The following OTOA variants were observed in gnomAD, a reference collection of about 807,000 sequenced individuals.
OTOA encodes otoancorin.
OTOA carries 70 observed loss-of-function variants against 110.8 expected under a neutral mutation model. That is an observed-to-expected ratio of 0.63 (90% CI 0.52 to 0.77). OTOA has a LOEUF of 0.77. OTOA is among the 30% of genes least tolerant of loss of function. The probability of loss-of-function intolerance (pLI) is 0.00; values close to 1 mark genes in which losing one functional copy is unlikely to be tolerated. For missense variants in OTOA, 917 were observed against 1,075.8 expected (o/e 0.85, Z 2.06); for synonymous variants, 373 against 431.5 (o/e 0.86, Z 1.68).
At chr16:21,734,944 G>A (rs1405452350) in intron 21 of OTOA, among the ~76,000 whole-genome samples, 2 of 152,042 alleles carry the variant, frequency 1.3e-5, no homozygotes, top group African/African-American at 4.8e-5. Flanking sequence ...TTTGAGACCA[G>A]CCAGGCCAAG....
chr16:21,734,618 C>T lies in OTOA; in HGVS notation c.2302-1643C>T, dbSNP rs534415068. On this transcript the variant is annotated intron_variant, in intron 21 of 28. Transcript: ENST00000646100. ...TTGGGAGGCCGAGGCGGGCAGATCA[C>T]GAGGTCAGGAGATTGAGACCGTCCT... 2.3e-3 allele frequency among the ~76,000 whole-genome samples: 343 copies of T among 152,168 alleles called. 5 individuals carry two copies. The highest frequency in any genetic ancestry group is 3.4e-3 in the Middle Eastern group (1 of 294).
intron 14 of OTOA, among the ~76,000 whole-genome samples, chr16:21,715,371 CCAGA>C (rs576946445): frequency 6.6e-6 from 1 of 152,218 alleles, no homozygotes; most frequent in East Asian, 1.9e-4. Flanking sequence ...CTTTGTTCTG[CCAGA>C]CAGTCTAATC....
At chr16:21,698,000 C>A (rs748289320) in intron 10 of OTOA, 125 bp downstream of exon 10, 5 of 810,490 alleles carry the variant, frequency 6.2e-6, no homozygotes, top group Admixed American at 2.0e-5. Flanking sequence ...CTCCTCAGCC[C>A]AATAGACCTT....
chr16:21,687,358 C>T, intron 7 of OTOA, 55 bp from the exon 8 acceptor site: 1 of 1,457,322 alleles, frequency 6.9e-7, no homozygotes, highest in South Asian at 1.1e-5. Flanking sequence ...CCTCCCAGGG[C>T]TTCCAAATTG....
intron 12 of OTOA, among the ~76,000 whole-genome samples, chr16:21,707,773 C>T (rs1597827963): frequency 1.4e-5 from 1 of 69,178 alleles, no homozygotes; most frequent in Non-Finnish European, 3.0e-5. Flanking sequence ...CCCTCCCCCT[C>T]CCCCCCCCAT....
chr16:21,728,452 G>A, intron 20 of OTOA, 21 bp downstream of exon 20: 1 of 1,609,644 alleles, frequency 6.2e-7, no homozygotes, highest in South Asian at 1.1e-5. Flanking sequence ...GCTGGGTTTG[G>A]CTTTTGGTGG....
chr16:21,696,581 T>C lies in OTOA; in HGVS notation c.740-1194T>C, dbSNP rs369186148. On this transcript the variant is annotated intron_variant, in intron 9 of 28. Transcript: ENST00000646100. ...TGTTGCCAGATTATTATCATTATTA[T>C]TATTATTAGACAGAGTCTCGCTCTG... Among the ~76,000 whole-genome samples the C allele has an allele frequency of 1.1e-4, 16 of 152,090 alleles. No homozygotes were observed. The East Asian group carries it at 2.1e-3, about 20-fold the overall frequency.
chr16:21,736,804 C>T (rs1380553127), intron 22 of OTOA, among the ~76,000 whole-genome samples: 1 of 152,250 alleles, frequency 6.6e-6, no homozygotes, highest in Non-Finnish European at 1.5e-5. Flanking sequence ...GCACTCCAGC[C>T]TGGGTGACAG....
intron 8 of OTOA, 64 bp from the exon 9 acceptor site, chr16:21,691,520 C>T (rs1897828483): frequency 8.8e-6 from 12 of 1,369,248 alleles, no homozygotes; most frequent in Non-Finnish European, 1.0e-6. Flanking sequence ...GCTGTTGTGA[C>T]TCCCTTTTTA....
At chr16:21,698,814 CA>C (rs1178355235) in intron 10 of OTOA, among the ~76,000 whole-genome samples, 2 of 152,146 alleles carry the variant, frequency 1.3e-5, no homozygotes, top group Non-Finnish European at 2.9e-5. Context: ...GAGTAGGTAA[CA>C]GCTTAAATTC....
At chr16:21,668,136 T>A (rs1053263002) in intron 1 of OTOA, among the ~76,000 whole-genome samples, 2 of 152,166 alleles carry the variant, frequency 1.3e-5, no homozygotes, top group African/African-American at 4.8e-5. Flanking sequence ...TGAGACAGGA[T>A]CTTGTTCTGT....
chr16:21,728,256 G>A lies in OTOA; in HGVS notation c.2032G>A (p.Asp678Asn), dbSNP rs1392001175. The change falls in exon 20 of 29, where the codon GAT becomes AAT. Residue 678 changes from aspartate to asparagine, a missense_variant. Coordinates refer to ENST00000646100, the MANE Select transcript of OTOA (RefSeq NM_144672.4). ...TTGGGTTCAGGACGACTCCATTGCT[G>A]ATGAGTACACTGTGGACATCATGGG... Reference protein sequence around the residue: ...VQQCLDDSIADEYTVDIMGNL... With the variant: ...VQQCLDDSIANEYTVDIMGNL... 6.2e-7 allele frequency: 1 copy of A among 1,614,188 alleles called. No individual in the cohort carries two copies.
chr16:21,736,895 A>G (rs1184703419), intron 22 of OTOA, among the ~76,000 whole-genome samples: 1 of 152,308 alleles, frequency 6.6e-6, no homozygotes, highest in Non-Finnish European at 1.5e-5. Flanking sequence ...TACCCAGGCT[A>G]GTAGGTTTAA....
Position 21,728,324 on chromosome 16 carries a change from G to A in OTOA, c.2100G>A (p.Gly700=). ...CHLPAAIIDR[G]ISPRAWATAL... ...TGCCGGCAGCCATCATCGACAGGGG[G>A]ATCTCCCCCAGGGCTTGGGCGACTG... Residue 700 remains glycine (G), a synonymous_variant, in exon 20 of 29, where the codon GGG becomes GGA. Transcript: ENST00000646100. 2 of 1,614,092 alleles carry A rather than the reference G, an allele frequency of 1.2e-6. No individual in the cohort carries two copies. The highest frequency in any genetic ancestry group is 1.1e-5 in the South Asian group (1 of 91,088).
At chr16:21,712,489 A>G (rs1898387078) in intron 13 of OTOA, among the ~76,000 whole-genome samples, 1 of 151,952 alleles carries the variant, frequency 6.6e-6, no homozygotes, top group Admixed American at 6.6e-5. Context: ...GATGTTGAAA[A>G]TGTAAGGGGC....
intron 17 of OTOA, chr16:21,721,371 T>A (rs373215725): frequency 2.2e-6 from 1 of 455,540 alleles, no homozygotes; most frequent in East Asian, 7.0e-5. Flanking sequence ...TAGGGGACTT[T>A]TGGCCATGTC....
chr16:21,728,022 G>C (rs1431148998), intron 19 of OTOA, among the ~76,000 whole-genome samples: 1 of 151,964 alleles, frequency 6.6e-6, no homozygotes, highest in Non-Finnish European at 1.5e-5. Context: ...GTGCCACAAT[G>C]CCTGGCTAAT....
At position 21,722,988 on chromosome 16, in the gene OTOA, C is replaced by T. The variant is rs1397828059; in HGVS notation, c.1880+10C>T. ...TCTTGGCTGCACTCCCGTAAGTGAA[C>T]ATCAGCCCCCACCTTCTGGCTCATC... is the stretch of plus-strand genomic sequence containing the variant. On this transcript the variant is annotated intron_variant, in intron 18 of 28. Coordinates refer to ENST00000646100, the MANE Select transcript of OTOA (RefSeq NM_144672.4). 9 of 1,613,398 alleles carry T rather than the reference C, an allele frequency of 5.6e-6. No individual in the cohort carries two copies. Among genetic ancestry groups the T allele is most frequent in the Non-Finnish European group, 6.8e-6 (8 of 1,179,342 alleles).
At position 21,685,143 on chromosome 16, in the gene OTOA, G is replaced by T. The variant is rs530030028; in HGVS notation, c.268-87G>T. 2.6e-5 allele frequency: 40 copies of T among 1,551,950 alleles called. No individual in the cohort carries two copies. The South Asian group carries it at 3.9e-4, about 15-fold the overall frequency. On this transcript the variant is annotated intron_variant, in intron 6 of 28. Coordinates refer to ENST00000646100, the MANE Select transcript of OTOA (RefSeq NM_144672.4). ...GTTGTGGTCTCTGCAGGGAATGAGGGGGCCGGGCTGGGCCGCTGGCCATGG... is the reference window on the plus strand; with the variant it reads ...GTTGTGGTCTCTGCAGGGAATGAGGTGGCCGGGCTGGGCCGCTGGCCATGG...
Sources: gnomAD v4.1 joint callset for allele counts (sites outside exome capture counted in the v4.1 genomes callset) on GRCh38, gnomAD v4.1.1 for gene constraint, MANE v1.5 for transcripts, NCBI Gene and HGNC (gene_info 2026-07-23, HGNC 2026-07-21) for gene names.